The following SORCS1 variants were observed in gnomAD, a reference collection of about 807,000 sequenced individuals.
SORCS1 encodes sortilin related VPS10 domain containing receptor 1.
In SORCS1, 60 loss-of-function variants were observed where a neutral mutation model predicts 146.1. That is an observed-to-expected ratio of 0.41 (90% CI 0.33 to 0.51). The LOEUF (loss-of-function observed/expected upper bound fraction) is 0.51, where lower values mean the gene tolerates loss of function less well. Ranked by LOEUF, SORCS1 falls within the 20% of genes least tolerant of loss-of-function variation. The probability of loss-of-function intolerance (pLI) is 0.21; values close to 1 mark genes in which losing one functional copy is unlikely to be tolerated. For missense variants in SORCS1, 1,352 were observed against 1,487.6 expected (o/e 0.91, Z 1.50); for synonymous variants, 637 against 584.0 (o/e 1.09, Z -1.31).
intron 2 of SORCS1, among the ~76,000 whole-genome samples, chr10:106,908,168 G>A (rs1951996202): frequency 6.6e-6 from 1 of 152,112 alleles, no homozygotes; most frequent in Non-Finnish European, 1.5e-5. Context: ...ACTCTAAATG[G>A]CAGCTGATAT....
chr10:106,686,111 A>T (rs821938), intron 10 of SORCS1, among the ~76,000 whole-genome samples: 120,224 of 151,666 alleles, frequency 0.79, 50,014 homozygotes, highest in Non-Finnish European at 0.93. Context: ...TTGATTTTTT[A>T]AAAAAAATGG....
intron 3 of SORCS1, among the ~76,000 whole-genome samples, chr10:106,784,089 A>G (rs1945922464): frequency 6.6e-6 from 1 of 152,158 alleles, no homozygotes; most frequent in African/African-American, 2.4e-5. Context: ...GCATTGGGTC[A>G]TCTGGTTTAA....
chr10:106,715,107 A>G (rs12250100), intron 6 of SORCS1, among the ~76,000 whole-genome samples: 5,701 of 152,248 alleles, frequency 0.037, 318 homozygotes, highest in African/African-American at 0.12. Flanking sequence ...ACTTCATAAT[A>G]AGGGACCAAG....
Position 106,960,659 on chromosome 10 carries a change from C to T in SORCS1, c.559-4079G>A, listed in dbSNP as rs142485467. On this transcript the variant is annotated intron_variant, in intron 1 of 25. Transcript: ENST00000263054. The surrounding 1 kb of genome is among the most constrained non-coding windows in gnomAD (Gnocchi z 4.4). ...CTCGTGATCCACCTGACTCAGCCTC[C>T]CAAAGTGCTGGGATTACAGGCGTGA... 6.6e-6 allele frequency among the ~76,000 whole-genome samples: 1 copy of T among 152,282 alleles called. No individual in the cohort carries two copies. Among genetic ancestry groups the T allele is most frequent in the East Asian group, 1.9e-4 (1 of 5,164 alleles).
At chr10:106,724,812 C>A (rs1048302872) in intron 6 of SORCS1, among the ~76,000 whole-genome samples, 3 of 152,202 alleles carry the variant, frequency 2.0e-5, no homozygotes, top group African/African-American at 4.8e-5. Context: ...TATGTGAACA[C>A]ACTAAAATCA....
chr10:107,114,051 A>C (rs1475675741), intron 1 of SORCS1, among the ~76,000 whole-genome samples: 1 of 152,192 alleles, frequency 6.6e-6, no homozygotes, highest in Non-Finnish European at 1.5e-5. Flanking sequence ...CTTAGAGGAA[A>C]TAAATAAATT....
intron 9 of SORCS1, among the ~76,000 whole-genome samples, chr10:106,697,413 G>T (rs895550176): frequency 6.6e-6 from 1 of 150,952 alleles, no homozygotes; most frequent in Admixed American, 6.6e-5. Context: ...CCAAGATCAC[G>T]CCACTGCACT....
intron 1 of SORCS1, among the ~76,000 whole-genome samples, chr10:106,966,115 C>T (rs143858038): frequency 2.0e-5 from 3 of 152,172 alleles, no homozygotes; most frequent in African/African-American, 7.2e-5. Flanking sequence ...CTGCAGATTT[C>T]CACAGATGGT....
At chr10:106,637,127 CTG>C (rs1190255071) in intron 18 of SORCS1, among the ~76,000 whole-genome samples, 1 of 152,202 alleles carries the variant, frequency 6.6e-6, no homozygotes, top group Non-Finnish European at 1.5e-5. Flanking sequence ...ACTGTTGAAA[CTG>C]TGTTGGACCT....
At chr10:106,971,752 C>T (rs1205879066) in intron 1 of SORCS1, among the ~76,000 whole-genome samples, 2 of 152,196 alleles carry the variant, frequency 1.3e-5, no homozygotes, top group Non-Finnish European at 2.9e-5. Context: ...GGCCAGGACA[C>T]TGCAGAGATC....
At chr10:107,107,720 T>C (rs549787039) in intron 1 of SORCS1, among the ~76,000 whole-genome samples, 1 of 152,284 alleles carries the variant, frequency 6.6e-6, no homozygotes, top group South Asian at 2.1e-4. Flanking sequence ...AGTAGGGCCA[T>C]TTTGAGAGGG....
chr10:106,967,702 C>T (rs1346854675), intron 1 of SORCS1, among the ~76,000 whole-genome samples: 1 of 152,054 alleles, frequency 6.6e-6, no homozygotes, highest in Non-Finnish European at 1.5e-5. Context: ...AAGAAACAAG[C>T]GATAAATCCT....
At chr10:106,606,063 G>T (rs1289676876) in intron 23 of SORCS1, among the ~76,000 whole-genome samples, 1 of 152,132 alleles carries the variant, frequency 6.6e-6, no homozygotes, top group Non-Finnish European at 1.5e-5. Context: ...TTACCTGGAA[G>T]AACTGATAAA....
intron 2 of SORCS1, among the ~76,000 whole-genome samples, chr10:106,934,770 A>G (rs1003070830): frequency 6.6e-6 from 1 of 152,184 alleles, no homozygotes; most frequent in Non-Finnish European, 1.5e-5. Context: ...AGCAACTTGG[A>G]TGTTGCTGGA....
intron 2 of SORCS1, among the ~76,000 whole-genome samples, chr10:106,832,797 C>A (rs1948610684): frequency 6.6e-6 from 1 of 151,934 alleles, no homozygotes; most frequent in Non-Finnish European, 1.5e-5. Flanking sequence ...GAAAATGGTT[C>A]AATTTTCCTA....
rs74154824 is a variant in SORCS1 at position 107,021,706 on chromosome 10, A to C, written c.559-65126T>G. ...CCTAATTCTATCATTTCAAACTGTT[A>C]TAGGCAATTGATAAAGTATCTTCCC... On this transcript the variant is annotated intron_variant, in intron 1 of 25. Coordinates refer to ENST00000263054, the MANE Select transcript of SORCS1 (RefSeq NM_052918.5). Among the ~76,000 whole-genome samples the C allele has an allele frequency of 6.2e-3, 939 of 152,174 alleles. 13 individuals carry two copies. The highest frequency in any genetic ancestry group is 0.021 in the African/African-American group (886 of 41,504).
At chr10:106,631,099 G>A (rs1166717296) in intron 18 of SORCS1, among the ~76,000 whole-genome samples, 3 of 152,146 alleles carry the variant, frequency 2.0e-5, no homozygotes, top group African/African-American at 7.2e-5. Flanking sequence ...TTAAAATGTT[G>A]ACATTTAAAA....
chr10:106,972,169 G>A (rs2139225216), intron 1 of SORCS1, among the ~76,000 whole-genome samples: 1 of 152,110 alleles, frequency 6.6e-6, no homozygotes, highest in Middle Eastern at 3.4e-3. Flanking sequence ...ATCACCAGAG[G>A]TCAGGAGTTT....
At chr10:106,835,560 A>G (rs1278911967) in intron 2 of SORCS1, among the ~76,000 whole-genome samples, 1 of 152,248 alleles carries the variant, frequency 6.6e-6, no homozygotes, top group Non-Finnish European at 1.5e-5. Flanking sequence ...TTAGTCTATC[A>G]TATCTTGAAG....
Sources: gnomAD v4.1 joint callset for allele counts (sites outside exome capture counted in the v4.1 genomes callset) on GRCh38, gnomAD v4.1.1 for gene constraint, Gnocchi (gnomAD v3.1) non-coding constraint, MANE v1.5 for transcripts, NCBI Gene and HGNC (gene_info 2026-07-23, HGNC 2026-07-21) for gene names.